Variants in LAMA3 observed in about 807,000 individuals in gnomAD.
LAMA3 encodes the protein laminin subunit alpha 3.
A neutral mutation model predicts 402.0 loss-of-function variants in LAMA3; 281 were observed. The ratio of observed to expected loss-of-function variants is 0.70; its 90% CI spans 0.63 to 0.77. LAMA3 has a LOEUF of 0.77. Among genes scored for constraint, LAMA3 ranks in the 30% least tolerant of loss-of-function variants. The pLI, the probability that LAMA3 is intolerant of heterozygous loss-of-function variation, is 0.00. For missense variants in LAMA3, 3,840 were observed against 4,215.5 expected (o/e 0.91, Z 2.47); for synonymous variants, 1,431 against 1,558.4 (o/e 0.92, Z 1.93).
intron 62 of LAMA3, among the ~76,000 whole-genome samples, chr18:23,926,151 T>C (rs1226479666): frequency 1.3e-5 from 2 of 152,242 alleles, no homozygotes; most frequent in African/African-American, 4.8e-5. Context: ...TTCCTGCACA[T>C]GTATCCTAGA....
Position 23,903,939 on chromosome 18 carries a change from G to A in LAMA3, c.6325G>A (p.Glu2109Lys). The A allele has an allele frequency of 6.2e-7, 1 of 1,611,800 alleles. No individual in the cohort carries two copies. Among genetic ancestry groups the A allele is most frequent in the Non-Finnish European group, 8.5e-7 (1 of 1,178,380 alleles). The change falls in exon 50 of 75, where the codon GAA becomes AAA. Residue 2109 changes from glutamate to lysine, a missense_variant. This residue lies in a region of LAMA3 where 891 missense variants were observed against 857.5 expected (regional missense o/e 1.04). Coordinates refer to ENST00000313654, the MANE Select transcript of LAMA3 (RefSeq NM_198129.4). ...QLMEKSQKEY[E>K]KLAASLNEAR... The stretch of plus-strand genomic sequence containing the variant: ...GTTTATTTGGAAAAAATAGGAATAT[G>A]AAAAATTAGCTGCCAGTTTAAATGA...
At chr18:23,745,504 C>G (rs951529850) in intron 2 of LAMA3, among the ~76,000 whole-genome samples, 5 of 152,126 alleles carry the variant, frequency 3.3e-5, no homozygotes, top group African/African-American at 1.2e-4. Flanking sequence ...CTTCTTCCCC[C>G]CAAGATGAAA....
chr18:23,746,353 G>A (rs1489081018), intron 2 of LAMA3, among the ~76,000 whole-genome samples: 1 of 152,134 alleles, frequency 6.6e-6, no homozygotes, highest in Admixed American at 6.5e-5. Flanking sequence ...CTCAAAGTAT[G>A]GATGAGAACC....
At chr18:23,939,505 T>C in intron 68 of LAMA3, 119 bp downstream of exon 68, 4 of 1,103,144 alleles carry the variant, frequency 3.6e-6, no homozygotes, top group Non-Finnish European at 5.5e-6. Context: ...GGCACTACCA[T>C]TTTTGTGCAA....
chr18:23,931,596 A>G, intron 65 of LAMA3: 1 of 209,174 alleles, frequency 4.8e-6, no homozygotes, highest in Non-Finnish European at 9.7e-6. Flanking sequence ...TATAGCAATG[A>G]GAAAGAAGGA....
At chr18:23,738,880 C>G (rs765982454) in intron 2 of LAMA3, among the ~76,000 whole-genome samples, 6 of 152,224 alleles carry the variant, frequency 3.9e-5, no homozygotes, top group Non-Finnish European at 5.9e-5. Context: ...ATCCCTGCTG[C>G]CTTACCTGCC....
At chr18:23,889,956 T>G in intron 41 of LAMA3, 55 bp from the exon 42 acceptor site, 1,725 of 1,291,888 alleles carry the variant, frequency 1.3e-3, no homozygotes, top group Non-Finnish European at 1.8e-3. Context: ...GAAAATTGGT[T>G]GAGATAAACG....
intron 2 of LAMA3, among the ~76,000 whole-genome samples, chr18:23,743,309 T>G (rs538459097): frequency 6.6e-6 from 1 of 151,606 alleles, no homozygotes; most frequent in African/African-American, 2.4e-5. Flanking sequence ...CCCAGGGGAG[T>G]TGATTCTACT....
At chr18:23,741,153 G>T (rs2061556419) in intron 2 of LAMA3, among the ~76,000 whole-genome samples, 1 of 151,852 alleles carries the variant, frequency 6.6e-6, no homozygotes, top group African/African-American at 2.4e-5. Flanking sequence ...TAGAGACGGG[G>T]TTTCACTGTG....
At position 23,905,600 on chromosome 18, in the gene LAMA3, A is replaced by G. The variant is rs768986465; in HGVS notation, c.6694A>G (p.Met2232Val). 6.2e-7 allele frequency: 1 copy of G among 1,609,764 alleles called. No individual in the cohort carries two copies. The highest frequency in any genetic ancestry group is 1.1e-5 in the South Asian group (1 of 90,934). The change falls in exon 52 of 75, where the codon ATG (methionine) becomes GTG (valine). Residue 2232 changes from methionine to valine, a missense_variant. Physicochemically the swap from Met to Val is conservative, Grantham distance 21. Transcript: ENST00000313654. The stretch of plus-strand genomic sequence containing the variant: ...TGATAAACTGTTAAATGAAGCCAAG[A>G]TGACACAAAAGAAGCTAAAGCAAGG... Reference protein sequence around the residue: ...NSDKLLNEAKMTQKKLKQEVS... With the variant: ...NSDKLLNEAKVTQKKLKQEVS...
chr18:23,765,475 G>GA (rs886483537), intron 8 of LAMA3, among the ~76,000 whole-genome samples: 166 of 151,698 alleles, frequency 1.1e-3, no homozygotes, highest in African/African-American at 3.8e-3. Context: ...GTCTCATAAA[G>GA]AAAAAAAACC....
chr18:23,878,496 TCA>T (rs2064794705), intron 39 of LAMA3, among the ~76,000 whole-genome samples: 1 of 152,102 alleles, frequency 6.6e-6, no homozygotes, highest in South Asian at 2.1e-4. Flanking sequence ...GTACACACAC[TCA>T]CACACACACG....
At chr18:23,836,864 A>G (rs1161703969) in intron 24 of LAMA3, 117 bp from the exon 25 acceptor site, 3 of 737,014 alleles carry the variant, frequency 4.1e-6, no homozygotes, top group South Asian at 1.5e-5. Flanking sequence ...AAAATTCACT[A>G]TAATTCATTC....
intron 68 of LAMA3, among the ~76,000 whole-genome samples, chr18:23,941,056 C>T (rs2082490916): frequency 6.6e-6 from 1 of 151,958 alleles, no homozygotes; most frequent in Admixed American, 6.5e-5. Context: ...CTGCCTCAGC[C>T]TCCTGAGTAG....
At chr18:23,798,583 G>T (rs565164166) in intron 12 of LAMA3, among the ~76,000 whole-genome samples, 1 of 152,174 alleles carries the variant, frequency 6.6e-6, no homozygotes, top group Admixed American at 6.5e-5. Context: ...AGACCACTGG[G>T]CTGGCAGTGG....
At chr18:23,934,823 G>A (rs1280544177) in intron 67 of LAMA3, among the ~76,000 whole-genome samples, 1 of 152,186 alleles carries the variant, frequency 6.6e-6, no homozygotes, top group Non-Finnish European at 1.5e-5. Flanking sequence ...ATGTGCTCCT[G>A]TTCAACACAC....
At chr18:23,870,538 A>G (rs763276041) in intron 37 of LAMA3, among the ~76,000 whole-genome samples, 75 of 152,378 alleles carry the variant, frequency 4.9e-4, no homozygotes, top group Non-Finnish European at 8.2e-4. Context: ...TTGCACATTC[A>G]TGTTCATTGC....
intron 38 of LAMA3, 127 bp from the exon 39 acceptor site, chr18:23,876,167 C>A (rs2064704039): frequency 5.7e-6 from 4 of 699,364 alleles, no homozygotes; most frequent in South Asian, 3.1e-5. Context: ...CCAGCCTGGG[C>A]AGCAGAGTGA....
Position 23,816,424 on chromosome 18 carries a change from T to A in LAMA3, c.2084T>A (p.Met695Lys). ...GACATTGGTGGGGCATTGTCCTCCA[T>A]GTGCAGTGGGCCCTCGGGAGTGTGC... The part of the protein sequence containing the change: ...QCDIGGALSS[M>K]CSGPSGVCQC... Residue 695 changes from methionine to lysine, a missense_variant, in exon 18 of 75, where the codon ATG becomes AAG. Physicochemically the swap from Met to Lys is moderately conservative, Grantham distance 95. Coordinates refer to ENST00000313654, the MANE Select transcript of LAMA3 (RefSeq NM_198129.4). The A allele has an allele frequency of 6.2e-7, 1 of 1,614,090 alleles. No homozygotes were observed. Among genetic ancestry groups the A allele is most frequent in the Non-Finnish European group, 8.5e-7 (1 of 1,179,994 alleles).
Sources: gnomAD v4.1 joint callset for allele counts (sites outside exome capture counted in the v4.1 genomes callset) on GRCh38, gnomAD v4.1.1 for gene constraint, gnomAD v4.1.1 regional missense constraint, MANE v1.5 for transcripts, NCBI Gene and HGNC (gene_info 2026-07-23, HGNC 2026-07-21) for gene names.